PDGFRB: variants seen among roughly 807,000 people sequenced by gnomAD.
The protein encoded by PDGFRB is platelet-derived growth factor receptor beta.
PDGFRB carries 42 observed loss-of-function variants against 120.2 expected under a neutral mutation model. The ratio of observed to expected loss-of-function variants is 0.35; its 90% CI spans 0.27 to 0.45. The LOEUF is 0.45. PDGFRB is among the 20% of genes least tolerant of loss of function. PDGFRB has a pLI of 1.00. For missense variants in PDGFRB, 1,149 were observed against 1,476.3 expected (o/e 0.78, Z 3.63); for synonymous variants, 586 against 606.8 (o/e 0.97, Z 0.50).
rs778116813 is a variant in PDGFRB at position 150,133,662 on chromosome 5, C to T, written c.858G>A (p.Ser286=). The T allele has an allele frequency of 2.5e-5, 41 of 1,613,708 alleles. No homozygotes were observed. Among genetic ancestry groups the T allele is most frequent in the South Asian group, 9.9e-5 (9 of 91,062 alleles). Residue 286 remains serine, a synonymous_variant, in exon 6 of 23, where the codon TCG becomes TCA. Coordinates refer to ENST00000261799, the MANE Select transcript of PDGFRB (RefSeq NM_002609.4). ...LHIPSAELED[S]GTYTCNVTES... is the part of the protein sequence containing the mutation. ...CCGTCACATTGCAGGTGTAGGTCCC[C>T]GAGTCTTCTAACTCGGCACTGGGGA...
In PDGFRB at chr5:150,131,960, C is replaced by G. The variant is rs763614831; in HGVS notation, c.1243+19G>C. 1 of 1,259,140 alleles carries G rather than the reference C, an allele frequency of 7.9e-7. No individual in the cohort carries two copies. Among genetic ancestry groups the G allele is most frequent in the Non-Finnish European group, 1.2e-6 (1 of 857,578 alleles). 78.0% of individuals were successfully genotyped at this position (1,259,140 alleles called of 1,614,324 possible). A position where few individuals can be genotyped will look rare whatever the true frequency, so the allele number is the denominator to read the frequency against. On this transcript the variant is annotated intron_variant, in intron 8 of 22. Coordinates refer to ENST00000261799, the MANE Select transcript of PDGFRB (RefSeq NM_002609.4). ...GGGAGGGGAAGGAGCAGGGACATGG[C>G]GAGGGGCGTGCTCATCACCATTGAT... is the stretch of plus-strand genomic sequence containing the variant.
rs79978884 is a variant in PDGFRB, at chr5:150,130,325, C to G, written c.1367+214G>C. ...AGGTCTCTGGGGCTCAGACCCTGCA[C>G]TTTGCTAGGCCAAACTGCCCAGGGG... On this transcript the variant is annotated intron_variant, in intron 9 of 22. Transcript: ENST00000261799. Among the ~76,000 whole-genome samples, 559 of 152,252 alleles carry G rather than the reference C, an allele frequency of 3.7e-3. 2 individuals are homozygous for G. Among genetic ancestry groups the G allele is most frequent in the African/African-American group, 0.013 (546 of 41,552 alleles).
rs1236048397 is a variant in PDGFRB at position 150,120,757 on chromosome 5, G to A, written c.2586+131C>T. 3.6e-6 allele frequency: 3 copies of A among 844,368 alleles called. No individual in the cohort carries two copies. Among genetic ancestry groups the A allele is most frequent in the Non-Finnish European group, 5.6e-6 (3 of 533,438 alleles). 52.3% of individuals were successfully genotyped at this position (844,368 alleles called of 1,614,324 possible). Reference sequence around the variant, plus strand: ...AGCTGGGCAGGCACAGCCCATCACTGCTGTCAGGGCAGGCCACAAGGAGCC... The same window carrying A: ...AGCTGGGCAGGCACAGCCCATCACTACTGTCAGGGCAGGCCACAAGGAGCC... On this transcript the variant is annotated intron_variant, in intron 18 of 22. Coordinates refer to ENST00000261799, the MANE Select transcript of PDGFRB (RefSeq NM_002609.4). This position sits in a 1 kb window ranked among gnomAD's most constrained non-coding sequence, Gnocchi z 4.3.
chr5:150,147,634 T>TC (rs1760960979), intron 1 of PDGFRB, among the ~76,000 whole-genome samples: 1 of 152,090 alleles, frequency 6.6e-6, no homozygotes, highest in Non-Finnish European at 1.5e-5. Flanking sequence ...ACATTGAGAT[T>TC]CCCCTCAGAG....
At position 150,115,630 on chromosome 5, in the gene PDGFRB, A is replaced by G. The variant is rs1759903309; in HGVS notation, c.*133T>C. On this transcript the variant is annotated 3_prime_UTR_variant, in exon 23 of 23. Transcript: ENST00000261799. Reference sequence around the variant, plus strand: ...AGGGTTTGGGGCACAACACGTCAGGAGCAGAAAGCTTCCAGAAGGGGACAG... The same window carrying G: ...AGGGTTTGGGGCACAACACGTCAGGGGCAGAAAGCTTCCAGAAGGGGACAG... 2.5e-6 allele frequency: 2 copies of G among 813,940 alleles called. No individual in the cohort carries two copies. The highest frequency in any genetic ancestry group is 3.6e-6 in the Non-Finnish European group (2 of 552,190). The allele number at this position is 813,940 out of a possible 1,614,324, so 50.4% of individuals were successfully genotyped here.
chr5:150,125,751 G>A (rs550579137), intron 11 of PDGFRB, among the ~76,000 whole-genome samples, 174 bp from the exon 12 acceptor site: 12 of 152,174 alleles, frequency 7.9e-5, no homozygotes, highest in Non-Finnish European at 4.4e-5. Context: ...TCGTGGGCTC[G>A]GAGGGAACAG....
chr5:150,142,806 T>C (rs1760818941), intron 1 of PDGFRB, among the ~76,000 whole-genome samples: 1 of 152,048 alleles, frequency 6.6e-6, no homozygotes, highest in Non-Finnish European at 1.5e-5. Flanking sequence ...AATAGAACAA[T>C]GATAAAAATA....
At chr5:150,118,233 G>A (rs377137832) in intron 21 of PDGFRB, among the ~76,000 whole-genome samples, 1 of 152,158 alleles carries the variant, frequency 6.6e-6, no homozygotes, top group Non-Finnish European at 1.5e-5. Context: ...TCCCCGGGGG[G>A]CAGTGGGGGT....
chr5:150,121,296 A>G lies in PDGFRB; in HGVS notation c.2371T>C (p.Leu791=), dbSNP rs777048787. 1.5e-5 allele frequency: 24 copies of G among 1,597,730 alleles called. No individual in the cohort carries two copies. Among genetic ancestry groups the G allele is most frequent in the South Asian group, 6.6e-5 (6 of 90,788 alleles). ...SAPERTCRAT[L]INESPVLSYM... is the part of the protein sequence containing the mutation. ...CTTAGCACTGGAGACTCGTTGATCA[A>G]AGTTGCTCGGCAGGTCCTCTCAGGG... The change falls in exon 17 of 23, where the codon TTG becomes CTG. Residue 791 remains leucine, a synonymous_variant. Coordinates refer to ENST00000261799, the MANE Select transcript of PDGFRB (RefSeq NM_002609.4). The surrounding 1 kb of genome is among the most constrained non-coding windows in gnomAD (Gnocchi z 4.1).
Position 150,129,792 on chromosome 5 carries a change from C to A in PDGFRB, c.1544G>T (p.Gly515Val). ...CACGATGACCTCCTGCGTGTCCTGG[C>A]CCACAGCGTTGCGCAGCGTGCAGCG... ...SVRCTLRNAV[G>V]QDTQEVIVVP... The change falls in exon 10 of 23, where the codon GGC becomes GTC. Residue 515 changes from glycine (G) to valine (V), a missense_variant. Coordinates refer to ENST00000261799, the MANE Select transcript of PDGFRB (RefSeq NM_002609.4). 1.9e-6 allele frequency: 3 copies of A among 1,613,860 alleles called. No homozygotes were observed. Among genetic ancestry groups the A allele is most frequent in the East Asian group, 4.5e-5 (2 of 44,892 alleles).
In PDGFRB at chr5:150,114,420, G is replaced by C. The variant is rs1389664420; in HGVS notation, c.*1343C>G. The C allele has an allele frequency of 4.3e-6, 1 of 233,350 alleles. No homozygotes were observed. 14.5% of individuals were successfully genotyped at this position (233,350 alleles called of 1,614,324 possible). ...CAGACCTCGGCACAGGTGCTGGAGT[G>C]GTGGGCTGCAGGAGGTGATCTCATT... is the stretch of plus-strand genomic sequence containing the variant. On this transcript the variant is annotated 3_prime_UTR_variant, in exon 23 of 23. Coordinates refer to ENST00000261799, the MANE Select transcript of PDGFRB (RefSeq NM_002609.4).
At chr5:150,148,530 G>A (rs889775734) in intron 1 of PDGFRB, among the ~76,000 whole-genome samples, 2 of 152,272 alleles carry the variant, frequency 1.3e-5, no homozygotes, top group Non-Finnish European at 2.9e-5. Flanking sequence ...CCAACAGGCT[G>A]CGCCTGATGC....
In PDGFRB at chr5:150,125,458, G is replaced by T; in HGVS notation, c.1794C>A (p.Asp598Glu). ...PYDSTWELPR[D>E]QLVLGRTLGS... is the part of the protein sequence containing the mutation. ...CTCAGGACTGACCCAGCACAAGCTG[G>T]TCCCGCGGCAGCTCCCACGTGGAGT... The change falls in exon 12 of 23, where the codon GAC becomes GAA. Residue 598 changes from aspartate to glutamate, a missense_variant. Physicochemically the swap from Asp to Glu is conservative, Grantham distance 45 (BLOSUM62 2). Transcript: ENST00000261799. The T allele has an allele frequency of 6.2e-7, 1 of 1,611,904 alleles. No individual in the cohort carries two copies. The highest frequency in any genetic ancestry group is 8.5e-7 in the Non-Finnish European group (1 of 1,178,474).
In PDGFRB at chr5:150,117,626, G is replaced by A. The variant is rs2113883479; in HGVS notation, c.3129C>T (p.Ser1043=). The A allele has an allele frequency of 1.2e-6, 2 of 1,602,052 alleles. No individual in the cohort carries two copies. The highest frequency in any genetic ancestry group is 2.2e-5 in the East Asian group (1 of 44,726). The change falls in exon 22 of 23, where the codon AGC becomes AGT. Residue 1043 remains serine, a synonymous_variant. Coordinates refer to ENST00000261799, the MANE Select transcript of PDGFRB (RefSeq NM_002609.4). ...CAGGCCAGGGTGGTTACCTGGCTAGGCTGGGGGAACCCTCCAGTGGGCCCT... is the reference window on the plus strand; with the variant it reads ...CAGGCCAGGGTGGTTACCTGGCTAGACTGGGGGAACCCTCCAGTGGGCCCT... ...ADEGPLEGSP[S]LASSTLNEVN...
At position 150,132,674 on chromosome 5, in the gene PDGFRB, G is replaced by A. The variant is rs1760499121; in HGVS notation, c.1127+76C>T. ...TCAGAAAGCTGGGCCTAGGTTTGTGGCTGAAAGCCGAGGGCTGCCTGGCGG... is the reference window on the plus strand; with the variant it reads ...TCAGAAAGCTGGGCCTAGGTTTGTGACTGAAAGCCGAGGGCTGCCTGGCGG... On this transcript the variant is annotated intron_variant, in intron 7 of 22. Transcript: ENST00000261799. This position sits in a 1 kb window ranked among gnomAD's most constrained non-coding sequence, Gnocchi z 5.0. The A allele has an allele frequency of 7.0e-7, 1 of 1,421,714 alleles. No homozygotes were observed. 88.1% of individuals were successfully genotyped at this position (1,421,714 alleles called of 1,614,324 possible). A position where few individuals can be genotyped will look rare whatever the true frequency, so the allele number is the denominator to read the frequency against.
chr5:150,135,363 G>A (rs1255068176), intron 3 of PDGFRB, among the ~76,000 whole-genome samples, 192 bp downstream of exon 3: 1 of 152,150 alleles, frequency 6.6e-6, no homozygotes, highest in African/African-American at 2.4e-5. Context: ...GACTGGCAGG[G>A]AGCAGGCAGA....
chr5:150,118,904 G>T, intron 20 of PDGFRB, 52 bp from the exon 21 acceptor site: 1 of 1,110,500 alleles, frequency 9.0e-7, no homozygotes, highest in Non-Finnish European at 1.3e-6. Context: ...CAGGGGACAA[G>T]GCAGGGCTGG....
Position 150,134,021 on chromosome 5 carries a change from G to C in PDGFRB, c.632-13C>G. Reference sequence around the variant, plus strand: ...TTGATGGATGACACTGGTAGAGAGAGATTGGCTTAGGTCTGGGGAAGTCAC... The same window carrying C: ...TTGATGGATGACACTGGTAGAGAGACATTGGCTTAGGTCTGGGGAAGTCAC... On this transcript the variant is annotated splice_polypyrimidine_tract_variant and intron_variant, in intron 4 of 22. Transcript: ENST00000261799. 1 of 1,613,762 alleles carries C rather than the reference G, an allele frequency of 6.2e-7. No individual in the cohort carries two copies. The highest frequency in any genetic ancestry group is 8.5e-7 in the Non-Finnish European group (1 of 1,179,872).
chr5:150,148,128 C>T (rs1390310733), intron 1 of PDGFRB, among the ~76,000 whole-genome samples: 5 of 152,204 alleles, frequency 3.3e-5, no homozygotes, highest in African/African-American at 1.2e-4. Context: ...GTGTCTCATC[C>T]TAGCACACTC....
Sources: gnomAD v4.1 joint callset for allele counts (sites outside exome capture counted in the v4.1 genomes callset) on GRCh38, gnomAD v4.1.1 for gene constraint, Gnocchi (gnomAD v3.1) non-coding constraint, MANE v1.5 for transcripts, NCBI Gene and HGNC (gene_info 2026-07-23, HGNC 2026-07-21) for gene names.